Variants in ZC3H3 observed in about 807,000 individuals in gnomAD.
ZC3H3 encodes zinc finger CCCH domain-containing protein 3.
In ZC3H3, 36 loss-of-function variants were observed where a neutral mutation model predicts 77.3. That is an observed-to-expected ratio of 0.47 (90% CI 0.36 to 0.61). The LOEUF (loss-of-function observed/expected upper bound fraction) is 0.61, where lower values mean the gene tolerates loss of function less well. Among genes scored for constraint, ZC3H3 ranks in the 20% least tolerant of loss-of-function variants. ZC3H3 has a pLI of 0.00. For synonymous variants in ZC3H3, 626 were observed against 555.2 expected (o/e 1.13, Z -1.79); for missense variants, 1,331 against 1,312.2 (o/e 1.01, Z -0.22).
At chr8:143,456,184 A>G (rs541558106) in intron 9 of ZC3H3, among the ~76,000 whole-genome samples, 111 of 152,212 alleles carry the variant, frequency 7.3e-4, no homozygotes, top group African/African-American at 2.6e-3. Flanking sequence ...AAGTAAATCA[A>G]ATAAAAATTC....
chr8:143,465,692 A>C (rs1586890630), intron 9 of ZC3H3, 25 bp downstream of exon 9: 1 of 1,611,870 alleles, frequency 6.2e-7, no homozygotes. Context: ...AACCCCGCCC[A>C]CTCGGGCCCC....
At position 143,530,912 on chromosome 8, in the gene ZC3H3, A is replaced by ACATTACT. The variant is rs1390627403; in HGVS notation, c.1561+5338_1561+5344dup. On this transcript the variant is annotated intron_variant, in intron 3 of 11. Coordinates refer to ENST00000262577, the MANE Select transcript of ZC3H3 (RefSeq NM_015117.3). The surrounding 1 kb of genome is among the most constrained non-coding windows in gnomAD (Gnocchi z 4.3). ...AGGTCTCTACTGCAGCCTCCAGCAA[A>ACATTACT]CATTACTCGCCCAGGCCACCCTTCT... is the stretch of plus-strand genomic sequence containing the variant. Among the ~76,000 whole-genome samples, 1 of 150,900 alleles carries ACATTACT rather than the reference A, an allele frequency of 6.6e-6. No homozygotes were observed. Among genetic ancestry groups the ACATTACT allele is most frequent in the Non-Finnish European group, 1.5e-5 (1 of 67,876 alleles).
chr8:143,489,384 G>A (rs557048059), intron 4 of ZC3H3, among the ~76,000 whole-genome samples: 10 of 152,338 alleles, frequency 6.6e-5, no homozygotes, highest in African/African-American at 2.4e-4. Context: ...AGCAGCCAAT[G>A]GAAAGGAGGG....
intron 3 of ZC3H3, among the ~76,000 whole-genome samples, chr8:143,518,891 G>A (rs560402735): frequency 2.6e-5 from 4 of 152,352 alleles, no homozygotes; most frequent in African/African-American, 9.6e-5. Flanking sequence ...CTTGACCGGG[G>A]TGGCACCAGC....
chr8:143,523,296 C>A (rs1351813958), intron 3 of ZC3H3: 1 of 984,206 alleles, frequency 1.0e-6, no homozygotes, highest in Non-Finnish European at 1.2e-6. Context: ...CAAAGACAGA[C>A]GCACGATGAA....
In ZC3H3 at chr8:143,539,799, C is replaced by A. The variant is rs532549682; in HGVS notation, c.47-479G>T. Among the ~76,000 whole-genome samples the A allele has an allele frequency of 2.0e-5, 3 of 152,332 alleles. No homozygotes were observed. The East Asian group carries it at 5.8e-4, about 29-fold the overall frequency. ...ACACTCTCGAGGACCCCATGCCTGA[C>A]AACAGGAAAAAAGAATACTAGGAGC... On this transcript the variant is annotated intron_variant, in intron 1 of 11. Transcript: ENST00000262577.
intron 4 of ZC3H3, among the ~76,000 whole-genome samples, chr8:143,506,649 A>C (rs189175781): frequency 1.4e-4 from 22 of 152,352 alleles, no homozygotes; most frequent in Non-Finnish European, 2.8e-4. Context: ...AGTAAAATTA[A>C]TTTAAAATAT....
At chr8:143,510,598 T>C (rs1376763111) in intron 3 of ZC3H3, among the ~76,000 whole-genome samples, 3 of 152,138 alleles carry the variant, frequency 2.0e-5, no homozygotes, top group African/African-American at 7.2e-5. Flanking sequence ...CCTGGCCCTG[T>C]TCCCCAGGGT....
At chr8:143,519,953 C>T (rs1320406785) in intron 3 of ZC3H3, among the ~76,000 whole-genome samples, 1 of 152,194 alleles carries the variant, frequency 6.6e-6, no homozygotes, top group Non-Finnish European at 1.5e-5. Context: ...CCAACAGACG[C>T]AAACCACCCC....
At chr8:143,484,859 G>A (rs1048004939) in intron 4 of ZC3H3, 4 of 455,270 alleles carry the variant, frequency 8.8e-6, no homozygotes, top group South Asian at 1.6e-5. Context: ...CAGCCCCTCC[G>A]AAGACCACAC....
At chr8:143,513,005 G>A (rs971802460) in intron 3 of ZC3H3, among the ~76,000 whole-genome samples, 4 of 152,080 alleles carry the variant, frequency 2.6e-5, no homozygotes, top group Non-Finnish European at 2.9e-5. Flanking sequence ...CAGAGGAGTC[G>A]GGGCTGCAAG....
At chr8:143,499,201 C>G (rs1192305369) in intron 4 of ZC3H3, among the ~76,000 whole-genome samples, 1 of 152,134 alleles carries the variant, frequency 6.6e-6, no homozygotes, top group African/African-American at 2.4e-5. Flanking sequence ...AGCAGAGGCT[C>G]ACTCCTGGCC....
In ZC3H3 at chr8:143,440,069, G is replaced by T; in HGVS notation, c.2787C>A (p.Ala929=). ...AGTCCTTGGTGAGGGGGGCCCTAGG[G>T]GCCCGGACCCTGGGCTGGGCTCCTG... ...PSPGAQPRVR[A]PRAPLTKDSG... Residue 929 remains alanine, a synonymous_variant, in exon 11 of 12, where the codon GCC becomes GCA. Transcript: ENST00000262577. The T allele has an allele frequency of 6.3e-7, 1 of 1,583,956 alleles. No individual in the cohort carries two copies. The highest frequency in any genetic ancestry group is 8.6e-7 in the Non-Finnish European group (1 of 1,166,256).
In ZC3H3 at chr8:143,440,246, C is replaced by G; in HGVS notation, c.2610G>C (p.Ser870=). ...AGGAGGAGGAGGAGGAGGAAGCCTT[C>G]GAGGATGAGGGAGAGGCTGACCCCC... ...CPGGSASPSS[S]KASSSSSSSS... is the part of the protein sequence containing the mutation. The change falls in exon 11 of 12, where the codon TCG becomes TCC. Residue 870 remains serine, a synonymous_variant. Coordinates refer to ENST00000262577, the MANE Select transcript of ZC3H3 (RefSeq NM_015117.3). The G allele has an allele frequency of 1.3e-6, 2 of 1,597,132 alleles. No individual in the cohort carries two copies. The highest frequency in any genetic ancestry group is 1.7e-6 in the Non-Finnish European group (2 of 1,173,208).
At chr8:143,537,815 T>C (rs896964) in intron 2 of ZC3H3, among the ~76,000 whole-genome samples, 188 bp downstream of exon 2, 22,127 of 151,956 alleles carry the variant, frequency 0.15, 1,718 homozygotes, top group Admixed American at 0.21. Flanking sequence ...TCCCCTAAGT[T>C]TATGCCGGCC....
chr8:143,473,214 C>T (rs563613647), intron 5 of ZC3H3, among the ~76,000 whole-genome samples: 1 of 152,170 alleles, frequency 6.6e-6, no homozygotes, highest in Admixed American at 6.5e-5. Flanking sequence ...ATCTCCTCCC[C>T]CTGCTGGCTG....
intron 9 of ZC3H3, among the ~76,000 whole-genome samples, chr8:143,448,408 T>C (rs1323529801): frequency 6.6e-6 from 1 of 151,924 alleles, no homozygotes; most frequent in African/African-American, 2.4e-5. Flanking sequence ...AGGTATTGGG[T>C]AAATACTCCC....
Position 143,541,383 on chromosome 8 carries a change from T to C in ZC3H3, c.39A>G (p.Leu13=), listed in dbSNP as rs767515840. 1 of 1,611,422 alleles carries C rather than the reference T, an allele frequency of 6.2e-7. No individual in the cohort carries two copies. Among genetic ancestry groups the C allele is most frequent in the Admixed American group, 1.7e-5 (1 of 60,002 alleles). Residue 13 remains leucine (L), a synonymous_variant, in exon 1 of 12, where the codon CTA becomes CTG. Transcript: ENST00000262577. Reference sequence around the variant, plus strand: ...GGCCCCGGCCGGACCTACCCTGCAGTAGGCGGATCTGCCGCCGTAATATCT... The same window carrying C: ...GGCCCCGGCCGGACCTACCCTGCAGCAGGCGGATCTGCCGCCGTAATATCT... The part of the protein sequence containing the change: ...EKEILRRQIR[L]LQGLIDDYKT...
At chr8:143,474,844 G>A (rs1414583511) in intron 5 of ZC3H3, among the ~76,000 whole-genome samples, 6 of 152,240 alleles carry the variant, frequency 3.9e-5, no homozygotes, top group Non-Finnish European at 7.3e-5. Context: ...CCTGGGCTGG[G>A]AGGGCGCAAG....
Sources: gnomAD v4.1 joint callset for allele counts (sites outside exome capture counted in the v4.1 genomes callset) on GRCh38, gnomAD v4.1.1 for gene constraint, Gnocchi (gnomAD v3.1) non-coding constraint, MANE v1.5 for transcripts, NCBI Gene and HGNC (gene_info 2026-07-23, HGNC 2026-07-21) for gene names.